The following SCN11A variants were observed in gnomAD, a reference collection of about 807,000 sequenced individuals.
SCN11A encodes sodium voltage-gated channel alpha subunit 11.
SCN11A carries 122 observed loss-of-function variants against 162.2 expected under a neutral mutation model. The observed-to-expected ratio is 0.75, with a 90% confidence interval of 0.65 to 0.87. SCN11A has a LOEUF of 0.87. SCN11A is among the 40% of genes least tolerant of loss of function. SCN11A has a pLI of 0.00. For missense variants in SCN11A, 2,015 were observed against 2,181.6 expected, an observed-to-expected ratio of 0.92 and a Z score of 1.52; for synonymous variants, 758 against 751.5, an observed-to-expected ratio of 1.01 and a Z score of -0.14.
intron 2 of SCN11A, among the ~76,000 whole-genome samples, chr3:38,986,977 C>G (rs1370304239): frequency 1.3e-5 from 2 of 152,140 alleles, no homozygotes; most frequent in African/African-American, 2.4e-5. Flanking sequence ...CCGTTTCTTT[C>G]CGCACCTGGA....
At chr3:38,950,063 ACCCCCACCCCCC>A in intron 5 of SCN11A, 21 bp downstream of exon 5, 2 of 62,402 alleles carry the variant, frequency 3.2e-5, no homozygotes, top group Non-Finnish European at 6.2e-5. Context: ...GAACACCCCC[ACCCCCACCCCCC>A]CCCCCCGCCC....
At chr3:38,850,400 T>C (rs549632190) in intron 29 of SCN11A, 81 bp downstream of exon 29, 1 of 1,338,420 alleles carries the variant, frequency 7.5e-7, no homozygotes, top group South Asian at 1.4e-5. Flanking sequence ...TGTGGATAGT[T>C]TGAACAAACT....
intron 29 of SCN11A, among the ~76,000 whole-genome samples, chr3:38,848,074 T>C (rs2064705968): frequency 6.6e-6 from 1 of 152,220 alleles, no homozygotes. Flanking sequence ...AATGCTCACC[T>C]TTAGGCTGAA....
chr3:39,037,115 C>T (rs879196986), intron 1 of SCN11A, among the ~76,000 whole-genome samples: 3 of 152,074 alleles, frequency 2.0e-5, no homozygotes, highest in Admixed American at 1.3e-4. Context: ...AAATGTGGCA[C>T]GTGTATACGA....
Position 38,921,205 on chromosome 3 carries a change from T to G in SCN11A, c.763A>C (p.Asn255His), listed in dbSNP as rs371647806. Residue 255 changes from asparagine to histidine, a missense_variant, in exon 10 of 30, where the codon AAC becomes CAC. Physicochemically the swap from Asn to His is moderately conservative, Grantham distance 68 (BLOSUM62 1). Transcript: ENST00000302328. The part of the protein sequence containing the change: ...ALLRSVKKLV[N>H]VIILTFFCLS... ...CAAAAGAAGGTGAGGATAATCACGT[T>G]GACCAGCTTCTTCACAGAGCGTAGC... 9.7e-5 allele frequency: 156 copies of G among 1,614,096 alleles called. No individual in the cohort carries two copies. The East Asian group carries it at 2.8e-3, about 29-fold the overall frequency.
intron 2 of SCN11A, among the ~76,000 whole-genome samples, chr3:39,030,694 C>T (rs1446787022): frequency 1.3e-5 from 2 of 152,132 alleles, no homozygotes; most frequent in Admixed American, 6.5e-5. Context: ...GTTAAGAAGC[C>T]TCAGCCAGTT....
chr3:38,899,855 G>A (rs2065667500), intron 17 of SCN11A, 39 bp downstream of exon 17: 2 of 1,553,184 alleles, frequency 1.3e-6, no homozygotes, highest in African/African-American at 1.4e-5. Context: ...TTCCACTTAG[G>A]CAGCTACGTT....
intron 2 of SCN11A, among the ~76,000 whole-genome samples, chr3:38,981,262 C>A (rs1271152432): frequency 1.3e-5 from 2 of 152,122 alleles, no homozygotes; most frequent in African/African-American, 4.8e-5. Context: ...TTCAGCTTTC[C>A]ATGTATTACG....
chr3:38,873,218 T>C (rs1043255272), intron 23 of SCN11A, among the ~76,000 whole-genome samples: 2 of 152,204 alleles, frequency 1.3e-5, no homozygotes, highest in Admixed American at 6.6e-5. Context: ...GAGTTGAATC[T>C]GCTTGCTGCA....
intron 2 of SCN11A, among the ~76,000 whole-genome samples, chr3:38,980,015 C>T (rs1201989762): frequency 6.6e-6 from 1 of 152,198 alleles, no homozygotes; most frequent in South Asian, 2.1e-4. Flanking sequence ...AGGCCTGCAG[C>T]TCACGTATGG....
At chr3:38,942,731 C>T (rs1318468235) in intron 7 of SCN11A, among the ~76,000 whole-genome samples, 2 of 152,028 alleles carry the variant, frequency 1.3e-5, no homozygotes, top group Non-Finnish European at 2.9e-5. Context: ...TAGCTTTATA[C>T]AATTGTATAA....
chr3:38,907,689 G>A (rs904320884), intron 14 of SCN11A, among the ~76,000 whole-genome samples: 6 of 152,166 alleles, frequency 3.9e-5, no homozygotes, highest in Non-Finnish European at 4.4e-5. Context: ...ATCATTAGCC[G>A]TACACTCTGT....
At chr3:38,890,792 G>T (rs1206610759) in intron 19 of SCN11A, among the ~76,000 whole-genome samples, 1 of 152,220 alleles carries the variant, frequency 6.6e-6, no homozygotes. Flanking sequence ...GCACATCCAA[G>T]GATGTACTCT....
chr3:38,987,017 C>T (rs569192821), intron 2 of SCN11A, among the ~76,000 whole-genome samples: 1 of 152,238 alleles, frequency 6.6e-6, no homozygotes, highest in South Asian at 2.1e-4. Context: ...AGAGACACAT[C>T]CCATTGAGAA....
chr3:38,853,602 T>G (rs2064818884), intron 28 of SCN11A, among the ~76,000 whole-genome samples: 1 of 152,232 alleles, frequency 6.6e-6, no homozygotes, highest in African/African-American at 2.4e-5. Context: ...CATATTTTTT[T>G]GTTCAATAAA....
At chr3:38,934,312 T>C (rs2066293435) in intron 7 of SCN11A, among the ~76,000 whole-genome samples, 1 of 152,148 alleles carries the variant, frequency 6.6e-6, no homozygotes, top group Non-Finnish European at 1.5e-5. Flanking sequence ...AGAAACTGCA[T>C]CAACTAATGA....
Position 38,850,600 on chromosome 3 carries a change from C to G in SCN11A, c.4208G>C (p.Trp1403Ser). ...TAACGTAAAGATGACCACAAAGACCCAGTTGAGATGGTCAAGGATGGATTT... is the reference window on the plus strand; with the variant it reads ...TAACGTAAAGATGACCACAAAGACCGAGTTGAGATGGTCAAGGATGGATTT... Reference protein sequence around the residue: ...AMKSILDHLNWVFVVIFTLEC... With the variant: ...AMKSILDHLNSVFVVIFTLEC... Residue 1403 changes from tryptophan (W) to serine (S), a missense_variant, in exon 29 of 30, where the codon TGG (tryptophan) becomes TCG (serine). Physicochemically the swap from Trp to Ser is radical, Grantham distance 177. Transcript: ENST00000302328. The G allele has an allele frequency of 6.2e-7, 1 of 1,613,758 alleles. No individual in the cohort carries two copies. Among genetic ancestry groups the G allele is most frequent in the South Asian group, 1.1e-5 (1 of 91,060 alleles).
chr3:38,891,003 T>C (rs951799931), intron 19 of SCN11A, among the ~76,000 whole-genome samples: 5 of 152,026 alleles, frequency 3.3e-5, no homozygotes, highest in Non-Finnish European at 5.9e-5. Context: ...AAATATGAAA[T>C]GTGCAAAAAA....
At chr3:38,946,381 T>G (rs1008868349) in intron 6 of SCN11A, among the ~76,000 whole-genome samples, 1 of 152,336 alleles carries the variant, frequency 6.6e-6, no homozygotes, top group African/African-American at 2.4e-5. Flanking sequence ...TTTTCAAAGT[T>G]TTAAATACTG....
Sources: allele counts gnomAD v4.1 joint callset (sites outside exome capture counted in the v4.1 genomes callset), GRCh38; gene constraint gnomAD v4.1.1; transcripts MANE v1.5; gene names NCBI Gene and HGNC (gene_info 2026-07-23, HGNC 2026-07-21).